The following ELL2 variants were observed in gnomAD, a reference collection of about 807,000 sequenced individuals.
ELL2 encodes the protein RNA polymerase II elongation factor ELL2.
A neutral mutation model predicts 72.8 loss-of-function variants in ELL2; 21 were observed. That is an observed-to-expected ratio of 0.29 (90% CI 0.20 to 0.42). ELL2 has a LOEUF of 0.42. Among genes scored for constraint, ELL2 ranks in the 10% least tolerant of loss-of-function variants. ELL2 has a pLI of 1.00. For synonymous variants in ELL2, 266 were observed against 283.2 expected (o/e 0.94, Z 0.61); for missense variants, 568 against 772.8 (o/e 0.73, Z 3.14).
At chr5:95,921,967 A>G (rs937262677) in intron 2 of ELL2, among the ~76,000 whole-genome samples, 1 of 152,224 alleles carries the variant, frequency 6.6e-6, no homozygotes, top group Middle Eastern at 3.2e-3. Context: ...TTCGGTTTAG[A>G]TCTAAAGTTT....
chr5:95,929,400 AG>A (rs1461583958), intron 2 of ELL2, among the ~76,000 whole-genome samples: 1 of 151,970 alleles, frequency 6.6e-6, no homozygotes, highest in Non-Finnish European at 1.5e-5. Flanking sequence ...CTGGGATTAC[AG>A]GTGTGCACCA....
intron 2 of ELL2, among the ~76,000 whole-genome samples, chr5:95,933,366 A>G (rs1369731417): frequency 6.6e-6 from 1 of 152,224 alleles, no homozygotes; most frequent in Admixed American, 6.5e-5. Context: ...TTATTGTTAT[A>G]CAGAAACCAT....
chr5:95,903,524 T>C (rs573551836), intron 5 of ELL2, among the ~76,000 whole-genome samples: 3 of 152,218 alleles, frequency 2.0e-5, no homozygotes, highest in Admixed American at 2.0e-4. Context: ...CCACGGCGCC[T>C]GGCCTAGGAC....
At chr5:95,920,855 G>A (rs1750044508) in intron 2 of ELL2, among the ~76,000 whole-genome samples, 1 of 152,208 alleles carries the variant, frequency 6.6e-6, no homozygotes. Flanking sequence ...AAGTAGGGAA[G>A]GGAAAAGTGT....
chr5:95,943,707 C>G (rs2112349836), intron 1 of ELL2, among the ~76,000 whole-genome samples: 1 of 152,218 alleles, frequency 6.6e-6, no homozygotes, highest in African/African-American at 2.4e-5. Context: ...TAATTGAGAG[C>G]CAAACAGGTT....
At chr5:95,953,542 T>C (rs1751498440) in intron 1 of ELL2, among the ~76,000 whole-genome samples, 1 of 152,242 alleles carries the variant, frequency 6.6e-6, no homozygotes, top group African/African-American at 2.4e-5. Context: ...AGTTCAAGCC[T>C]GGCTACACCC....
intron 1 of ELL2, among the ~76,000 whole-genome samples, chr5:95,950,757 A>G: frequency 6.6e-6 from 1 of 151,596 alleles, no homozygotes; most frequent in Non-Finnish European, 1.5e-5. Context: ...TCTAGCCACT[A>G]CAGCATGGAA....
chr5:95,961,536 C>A lies in ELL2; in HGVS notation c.147+39G>T, dbSNP rs372741026. ...GCGGCCAGGCCGTGAGGGGTGCGCT[C>A]TGCCTCTCTGAGCCCAGCCTGCCGG... On this transcript the variant is annotated intron_variant, in intron 1 of 11. Coordinates refer to ENST00000237853, the MANE Select transcript of ELL2 (RefSeq NM_012081.6). 15 of 1,522,212 alleles carry A rather than the reference C, an allele frequency of 9.9e-6. No homozygotes were observed. The African/African-American group carries it at 1.9e-4, about 19-fold the overall frequency. 94.3% of individuals were successfully genotyped at this position (1,522,212 alleles called of 1,614,324 possible). A position where few individuals can be genotyped will look rare whatever the true frequency, so the allele number is the denominator to read the frequency against.
In ELL2 at chr5:95,886,833, C is replaced by T. The variant is rs1748481162; in HGVS notation, c.*2038G>A. On this transcript the variant is annotated 3_prime_UTR_variant, in exon 12 of 12. Transcript: ENST00000237853. ...TGGGCCCTATACCTAGAGATTCTAA[C>T]TCAGGTGATCCAAATGGTCCAAGCA... 1 of 152,184 alleles carries T rather than the reference C, an allele frequency of 6.6e-6. No individual in the cohort carries two copies. The highest frequency in any genetic ancestry group is 2.1e-4 in the South Asian group (1 of 4,828). The allele number at this position is 152,184 out of a possible 1,614,324, so 9.4% of individuals were successfully genotyped here. A position where few individuals can be genotyped will look rare whatever the true frequency, so the allele number is the denominator to read the frequency against.
chr5:95,918,944 C>T (rs1421771646), intron 3 of ELL2, among the ~76,000 whole-genome samples: 1 of 148,798 alleles, frequency 6.7e-6, no homozygotes, highest in Non-Finnish European at 1.5e-5. Flanking sequence ...TTCTAGTTTC[C>T]ATGCAGCTGT....
At chr5:95,944,238 A>G (rs888539768) in intron 1 of ELL2, among the ~76,000 whole-genome samples, 1 of 152,210 alleles carries the variant, frequency 6.6e-6, no homozygotes, top group Admixed American at 6.5e-5. Context: ...AAGACAGACC[A>G]CCTGAATGTA....
At chr5:95,954,068 C>T (rs762440882) in intron 1 of ELL2, among the ~76,000 whole-genome samples, 4 of 152,184 alleles carry the variant, frequency 2.6e-5, no homozygotes, top group African/African-American at 4.8e-5. Context: ...TTCCTCAAAA[C>T]GTCAACAATC....
chr5:95,944,381 T>C (rs1007234907), intron 1 of ELL2, among the ~76,000 whole-genome samples: 1 of 152,238 alleles, frequency 6.6e-6, no homozygotes, highest in Non-Finnish European at 1.5e-5. Flanking sequence ...TTTAGACTTA[T>C]CAGCAGAATC....
intron 4 of ELL2, among the ~76,000 whole-genome samples, chr5:95,907,296 A>ATATATATATATATATATATTTTTTTT: frequency 1.7e-5 from 2 of 116,522 alleles, no homozygotes; most frequent in Admixed American, 8.6e-5. Context: ...ATATATATAT[A>ATATATATATATATATATATTTTTTTT]TTTTTTTTTT....
rs1252479083 is a variant in ELL2, at chr5:95,898,616, C to T, written c.1149G>A (p.Leu383=). 1 of 1,613,080 alleles carries T rather than the reference C, an allele frequency of 6.2e-7. No individual in the cohort carries two copies. The highest frequency in any genetic ancestry group is 1.1e-5 in the South Asian group (1 of 90,968). Residue 383 remains leucine (L), a synonymous_variant, in exon 8 of 12, where the codon CTG becomes CTA. Transcript: ENST00000237853. ...PTPPPLPSTY[L]PISHPPQIVN... ...CAATCTGAGGAGGATGTGAGATGGG[C>T]AGATAGGTTGAAGGCAGCGGTGGAG...
chr5:95,921,510 A>C (rs1214810727), intron 2 of ELL2, among the ~76,000 whole-genome samples: 3 of 152,204 alleles, frequency 2.0e-5, no homozygotes, highest in Admixed American at 1.3e-4. Context: ...TAACTTTGTG[A>C]ACAAGTCTTA....
intron 2 of ELL2, among the ~76,000 whole-genome samples, chr5:95,925,538 T>C (rs971951765): frequency 6.6e-6 from 1 of 152,238 alleles, no homozygotes; most frequent in Non-Finnish European, 1.5e-5. Flanking sequence ...GAATATATTG[T>C]CAGCACCTCA....
intron 1 of ELL2, among the ~76,000 whole-genome samples, chr5:95,945,512 T>C (rs936058090): frequency 6.6e-6 from 1 of 152,202 alleles, no homozygotes; most frequent in African/African-American, 2.4e-5. Context: ...CATCTGTTAA[T>C]GGGGTATTCA....
intron 1 of ELL2, among the ~76,000 whole-genome samples, chr5:95,955,530 G>A (rs1751596580): frequency 6.6e-6 from 1 of 152,164 alleles, no homozygotes; most frequent in Non-Finnish European, 1.5e-5. Context: ...AAGGAAAGAA[G>A]GAAGGAGATA....
Sources: gnomAD v4.1 joint callset for allele counts (sites outside exome capture counted in the v4.1 genomes callset) on GRCh38, gnomAD v4.1.1 for gene constraint, MANE v1.5 for transcripts, NCBI Gene and HGNC (gene_info 2026-07-23, HGNC 2026-07-21) for gene names.